Variants in CLASP2 observed in about 807,000 individuals in gnomAD.
CLASP2 encodes cytoplasmic linker associated protein 2, also known as CLIP-associating protein 2.
A neutral mutation model predicts 194.4 loss-of-function variants in CLASP2; 47 were observed. The observed-to-expected ratio is 0.24, with a 90% CI of 0.19 to 0.31. The LOEUF is 0.31. CLASP2 is among the 10% of genes least tolerant of loss of function. The pLI is 1.00. For synonymous variants in CLASP2, 619 were observed against 633.5 expected (o/e 0.98, Z 0.34); for missense variants, 1,445 against 1,823.6 (o/e 0.79, Z 3.78).
chr3:33,689,663 C>T, intron 3 of CLASP2, 166 bp downstream of exon 3: 1 of 458,314 alleles, frequency 2.2e-6, no homozygotes, highest in Non-Finnish European at 3.8e-6. Flanking sequence ...GAATCAGAAG[C>T]AAAAAACCAG....
At chr3:33,505,427 A>G (rs565930979) in intron 37 of CLASP2, 1 of 152,226 alleles carries the variant, frequency 6.6e-6, no homozygotes, top group Admixed American at 6.5e-5. Flanking sequence ...TTTTCAGTAC[A>G]TGAAAAAGAA....
At chr3:33,674,179 C>A (rs2088013391) in intron 6 of CLASP2, among the ~76,000 whole-genome samples, 1 of 152,134 alleles carries the variant, frequency 6.6e-6, no homozygotes. Flanking sequence ...CCAAAATTGA[C>A]CACATAGTTG....
intron 36 of CLASP2, among the ~76,000 whole-genome samples, chr3:33,512,688 GAAAAAAA>G (rs974434369): frequency 1.3e-5 from 1 of 78,758 alleles, no homozygotes; most frequent in South Asian, 4.5e-4. Context: ...ACATACACTG[GAAAAAAA>G]AAAAAAAAAA....
intron 9 of CLASP2, among the ~76,000 whole-genome samples, chr3:33,631,853 A>G (rs975897604): frequency 9.6e-6 from 1 of 103,910 alleles, no homozygotes; most frequent in Non-Finnish European, 1.8e-5. Flanking sequence ...GAAAAAATAT[A>G]AAAAAAAAGC....
intron 34 of CLASP2, among the ~76,000 whole-genome samples, chr3:33,529,408 C>A (rs1388692672): frequency 6.6e-6 from 1 of 152,106 alleles, no homozygotes; most frequent in African/African-American, 2.4e-5. Context: ...CATCACGTTG[C>A]CTGATTTCAG....
At chr3:33,567,049 A>G (rs952303125) in intron 26 of CLASP2, among the ~76,000 whole-genome samples, 1 of 152,172 alleles carries the variant, frequency 6.6e-6, no homozygotes, top group Non-Finnish European at 1.5e-5. Flanking sequence ...TAAACATCTG[A>G]AAATAATCCA....
chr3:33,514,821 TAC>T (rs62935860), intron 36 of CLASP2: 92,116 of 164,202 alleles, frequency 0.56, 30,102 homozygotes, highest in African/African-American at 0.89. Context: ...TATATGTATA[TAC>T]ACACACACAC....
chr3:33,510,458 G>T, intron 37 of CLASP2, 100 bp downstream of exon 37: 1 of 1,081,146 alleles, frequency 9.2e-7, no homozygotes, highest in Non-Finnish European at 1.4e-6. Flanking sequence ...ACAAACGGGA[G>T]GAAGGCTTGA....
chr3:33,527,571 T>C (rs12374037), intron 34 of CLASP2, among the ~76,000 whole-genome samples: 62,046 of 151,960 alleles, frequency 0.41, 13,012 homozygotes, highest in Admixed American at 0.53. Flanking sequence ...CCTACAGAAA[T>C]GATTCCAAAA....
At chr3:33,626,864 T>C (rs1465112849) in intron 10 of CLASP2, 124 bp downstream of exon 10, 4 of 598,428 alleles carry the variant, frequency 6.7e-6, no homozygotes, top group Middle Eastern at 4.4e-4. Flanking sequence ...CAGAAAGAAA[T>C]GTTACCTATC....
chr3:33,619,873 G>GAAGA (rs1169368213), intron 11 of CLASP2, 135 bp from the exon 12 acceptor site: 2 of 707,850 alleles, frequency 2.8e-6, no homozygotes, highest in East Asian at 6.7e-5. Flanking sequence ...CAGAAAAACA[G>GAAGA]AAGAAAGAAA....
intron 38 of CLASP2, among the ~76,000 whole-genome samples, chr3:33,499,967 A>C (rs1458653381): frequency 1.3e-5 from 2 of 152,138 alleles, no homozygotes; most frequent in Non-Finnish European, 2.9e-5. Flanking sequence ...TCTCTGTGTC[A>C]TTCTGCAGTC....
chr3:33,616,482 T>C (rs1438184190), intron 12 of CLASP2, among the ~76,000 whole-genome samples: 1 of 152,100 alleles, frequency 6.6e-6, no homozygotes, highest in Non-Finnish European at 1.5e-5. Flanking sequence ...AAGCAGAATT[T>C]AGTTCCTGAA....
chr3:33,571,106 C>G (rs564532434), intron 25 of CLASP2, among the ~76,000 whole-genome samples: 1 of 150,662 alleles, frequency 6.6e-6, no homozygotes, highest in Admixed American at 6.7e-5. Context: ...CTCCGCCCCC[C>G]GGGTTCACGC....
intron 7 of CLASP2, among the ~76,000 whole-genome samples, chr3:33,663,197 C>CAAAAAA (rs60671856): frequency 2.4e-4 from 24 of 100,754 alleles, no homozygotes; most frequent in African/African-American, 4.1e-4. Flanking sequence ...GCAGTATCAC[C>CAAAAAA]AAAAAAAAAA....
intron 6 of CLASP2, 62 bp downstream of exon 6, chr3:33,684,297 A>C (rs2154344988): frequency 1.1e-6 from 1 of 881,340 alleles, no homozygotes; most frequent in Non-Finnish European, 1.8e-6. Context: ...ACACAAATAA[A>C]ATGAAAACTT....
At chr3:33,590,512 T>C (rs1436613437) in intron 21 of CLASP2, among the ~76,000 whole-genome samples, 1 of 152,180 alleles carries the variant, frequency 6.6e-6, no homozygotes, top group African/African-American at 2.4e-5. Flanking sequence ...ACTACTATGA[T>C]ATACTGCTAA....
At chr3:33,635,373 A>G (rs945699587) in intron 8 of CLASP2, among the ~76,000 whole-genome samples, 1 of 152,206 alleles carries the variant, frequency 6.6e-6, no homozygotes, top group Non-Finnish European at 1.5e-5. Context: ...AGGTGTTGCA[A>G]TAATAATCAA....
At chr3:33,506,254 G>C (rs1044652533) in intron 37 of CLASP2, among the ~76,000 whole-genome samples, 1 of 151,290 alleles carries the variant, frequency 6.6e-6, no homozygotes, top group East Asian at 2.0e-4. Flanking sequence ...GGCACCTGTC[G>C]TCCCAGCCAG....
Sources: allele counts gnomAD v4.1 joint callset (sites outside exome capture counted in the v4.1 genomes callset), GRCh38; gene constraint gnomAD v4.1.1; transcripts MANE v1.5; gene names NCBI Gene and HGNC (gene_info 2026-07-23, HGNC 2026-07-21).